The following NPHP4 variants were observed in gnomAD, a reference collection of about 807,000 sequenced individuals.
The protein encoded by NPHP4 is nephrocystin 4, also known as nephrocystin-4.
NPHP4 carries 151 observed loss-of-function variants against 155.8 expected under a neutral mutation model. The ratio of observed to expected loss-of-function variants is 0.97; its 90% CI spans 0.85 to 1.11. The LOEUF (loss-of-function observed/expected upper bound fraction) is 1.11. Ranked by LOEUF, NPHP4 falls within the 50% of genes least tolerant of loss-of-function variation. The pLI, the probability that NPHP4 is intolerant of heterozygous loss-of-function variation, is 0.00. For missense variants in NPHP4, 1,956 were observed against 1,925.7 expected, an observed-to-expected ratio of 1.02 and a Z score of -0.29; for synonymous variants, 845 against 816.8, an observed-to-expected ratio of 1.03 and a Z score of -0.59.
At chr1:5,883,758 G>A (rs961910228) in intron 18 of NPHP4, among the ~76,000 whole-genome samples, 1 of 152,168 alleles carries the variant, frequency 6.6e-6, no homozygotes, top group Admixed American at 6.5e-5. Context: ...AATCGCAGAC[G>A]AGGCCTCTGG....
At chr1:5,928,246 T>C (rs1646111550) in intron 10 of NPHP4, among the ~76,000 whole-genome samples, 3 of 152,168 alleles carry the variant, frequency 2.0e-5, no homozygotes, top group Non-Finnish European at 2.9e-5. Flanking sequence ...CTATGACTGC[T>C]TCCCCAGCAC....
intron 23 of NPHP4, among the ~76,000 whole-genome samples, chr1:5,869,213 GCATACACATCCACCCACATGCA>G (rs1300756927): frequency 3.8e-4 from 48 of 127,900 alleles, no homozygotes; most frequent in African/African-American, 1.3e-3. Context: ...CCACCCACAT[GCATACACATCCACCCACATGCA>G]CACACACACA....
At chr1:5,864,131 C>A (rs1007247539) in intron 28 of NPHP4, 98 bp from the exon 29 acceptor site, 4 of 1,393,872 alleles carry the variant, frequency 2.9e-6, no homozygotes, top group Admixed American at 3.9e-5. Flanking sequence ...GCACCGTGCA[C>A]GGGGACCCCC....
intron 26 of NPHP4, 84 bp from the exon 27 acceptor site, chr1:5,865,357 G>A (rs1423252261): frequency 7.9e-6 from 10 of 1,264,492 alleles, no homozygotes; most frequent in African/African-American, 7.4e-5. Context: ...TGCCAGGAGC[G>A]TGGGCAGACA....
chr1:5,863,401 C>T lies in NPHP4; in HGVS notation c.4145G>A (p.Gly1382Glu), dbSNP rs773368924. The T allele has an allele frequency of 2.1e-5, 33 of 1,605,536 alleles. 1 individual carries two copies. The East Asian group carries it at 3.1e-4, about 15-fold the overall frequency. ...GCCGATGGTGTAGGTCTCTCCACCC[C>T]CGACCTGGAAATAAGCATCCAAATC... ...LRFREDSFQV[G>E]GGETYTIGLQ... The change falls in exon 30 of 30, where the codon GGG becomes GAG. Residue 1382 changes from glycine to glutamate, a missense_variant. Transcript: ENST00000378156.
intron 9 of NPHP4, among the ~76,000 whole-genome samples, chr1:5,941,367 TG>T (rs1164940737): frequency 1.4e-5 from 2 of 146,766 alleles, no homozygotes; most frequent in Admixed American, 1.4e-4. Context: ...CCTCTATGAC[TG>T]GGGAACGAAG....
chr1:5,890,748 G>C lies in NPHP4; in HGVS notation c.2304+120C>G. 1 of 810,370 alleles carries C rather than the reference G, an allele frequency of 1.2e-6. No individual in the cohort carries two copies. The highest frequency in any genetic ancestry group is 1.8e-6 in the Non-Finnish European group (1 of 545,766). The allele number at this position is 810,370 out of a possible 1,614,324, so 50.2% of individuals were successfully genotyped here. A position where few individuals can be genotyped will look rare whatever the true frequency, so the allele number is the denominator to read the frequency against. On this transcript the variant is annotated intron_variant, in intron 17 of 29. Transcript: ENST00000378156. The surrounding 1 kb of genome is among the most constrained non-coding windows in gnomAD (Gnocchi z 4.9). The stretch of plus-strand genomic sequence containing the variant: ...TATTTTTAACGAGTGAACAAAGAAG[G>C]TCAAACAAGTCCTGTGCGGGATAGC...
intron 9 of NPHP4, among the ~76,000 whole-genome samples, chr1:5,937,917 G>C (rs1002370333): frequency 1.3e-5 from 2 of 152,218 alleles, no homozygotes; most frequent in Admixed American, 6.5e-5. Flanking sequence ...CTCAGGCCCT[G>C]GGCTGGGAAC....
chr1:5,880,004 C>G, intron 19 of NPHP4, 110 bp downstream of exon 19: 3 of 1,107,346 alleles, frequency 2.7e-6, no homozygotes, highest in Non-Finnish European at 1.3e-6. Context: ...ACGAATGGTG[C>G]ACACACACAC....
chr1:5,926,454 G>A (rs912047224), intron 11 of NPHP4, among the ~76,000 whole-genome samples: 1 of 152,106 alleles, frequency 6.6e-6, no homozygotes, highest in Non-Finnish European at 1.5e-5. Flanking sequence ...AACCAGACTT[G>A]GGCTGAAAAT....
chr1:5,970,107 CCT>C (rs1352264756), intron 3 of NPHP4, among the ~76,000 whole-genome samples: 2 of 152,126 alleles, frequency 1.3e-5, no homozygotes, highest in African/African-American at 4.8e-5. Context: ...GACTCAAACC[CCT>C]CTCTGCATCT....
intron 2 of NPHP4, among the ~76,000 whole-genome samples, chr1:5,981,980 G>A (rs1273186896): frequency 6.6e-6 from 1 of 152,122 alleles, no homozygotes; most frequent in Non-Finnish European, 1.5e-5. Context: ...TCTATTTTCT[G>A]AGTTTGTCTA....
chr1:5,890,988 C>A lies in NPHP4; in HGVS notation c.2184G>T (p.Gly728=), dbSNP rs1475748304. ...GFQLRYMVGP[G]FLKPGERRCF... ...AGCGCCGCTCACCTGGCTTCAGGAA[C>A]CCAGGGCCCACCATGTACCTCAGCT... The change falls in exon 17 of 30, where the codon GGG becomes GGT. Residue 728 remains glycine, a synonymous_variant. Transcript: ENST00000378156. This position sits in a 1 kb window ranked among gnomAD's most constrained non-coding sequence, Gnocchi z 4.9. 2 of 1,577,450 alleles carry A rather than the reference C, an allele frequency of 1.3e-6. No individual in the cohort carries two copies. Among genetic ancestry groups the A allele is most frequent in the Non-Finnish European group, 1.7e-6 (2 of 1,151,926 alleles).
At chr1:5,945,664 T>C (rs781293145) in intron 9 of NPHP4, among the ~76,000 whole-genome samples, 1 of 152,340 alleles carries the variant, frequency 6.6e-6, no homozygotes, top group Non-Finnish European at 1.5e-5. Context: ...TCACAGGCTG[T>C]TCCTGAGAGA....
intron 3 of NPHP4, among the ~76,000 whole-genome samples, chr1:5,971,812 G>A (rs1055953817): frequency 6.0e-5 from 9 of 150,968 alleles, no homozygotes; most frequent in Non-Finnish European, 1.3e-4. Flanking sequence ...GTTAAGTCAA[G>A]CCCATCAAAT....
intron 19 of NPHP4, 27 bp from the exon 20 acceptor site, chr1:5,877,325 G>A: frequency 6.4e-7 from 1 of 1,555,044 alleles, no homozygotes; most frequent in Non-Finnish European, 8.8e-7. Flanking sequence ...GCGCGAGTCA[G>A]GTAGACGTGC....
intron 3 of NPHP4, among the ~76,000 whole-genome samples, chr1:5,972,895 CTT>C (rs368044799): frequency 6.6e-6 from 1 of 151,134 alleles, no homozygotes; most frequent in Non-Finnish European, 1.5e-5. Context: ...TTTGGTTTTT[CTT>C]TTTTTTGACA....
intron 10 of NPHP4, among the ~76,000 whole-genome samples, chr1:5,931,775 A>C (rs1026671266): frequency 6.6e-6 from 1 of 150,748 alleles, no homozygotes; most frequent in Non-Finnish European, 1.5e-5. Flanking sequence ...TGCTAAAAAA[A>C]TGCTAACCAT....
chr1:5,895,702 G>A (rs1644361387), intron 16 of NPHP4, among the ~76,000 whole-genome samples: 1 of 152,206 alleles, frequency 6.6e-6, no homozygotes, highest in East Asian at 1.9e-4. Flanking sequence ...ACTGAAGCCT[G>A]TGATTCCATT....
Sources: allele counts gnomAD v4.1 joint callset (sites outside exome capture counted in the v4.1 genomes callset), GRCh38; gene constraint gnomAD v4.1.1; non-coding constraint Gnocchi (gnomAD v3.1); transcripts MANE v1.5; gene names NCBI Gene and HGNC (gene_info 2026-07-23, HGNC 2026-07-21).